The following MSI2 variants were observed in gnomAD, a reference collection of about 807,000 sequenced individuals.
MSI2 encodes the protein RNA-binding protein Musashi homolog 2.
MSI2 carries 17 observed loss-of-function variants against 45.6 expected under a neutral mutation model. The observed-to-expected ratio is 0.37, with a 90% CI of 0.26 to 0.56. The LOEUF is 0.56. Among genes scored for constraint, MSI2 ranks in the 20% least tolerant of loss-of-function variants. The probability of loss-of-function intolerance (pLI) is 0.77; values close to 1 mark genes in which losing one functional copy is unlikely to be tolerated. For synonymous variants in MSI2, 156 were observed against 158.2 expected, an observed-to-expected ratio of 0.99 and a Z score of 0.11; for missense variants, 293 against 444.2, an observed-to-expected ratio of 0.66 and a Z score of 3.06.
chr17:57,518,617 C>A (rs917979859), intron 6 of MSI2, among the ~76,000 whole-genome samples: 2 of 152,194 alleles, frequency 1.3e-5, no homozygotes, highest in Admixed American at 6.5e-5. Context: ...CATCAGTGCT[C>A]CCCTAAATGA....
chr17:57,632,182 T>C (rs1371576030), intron 10 of MSI2: 8 of 1,165,408 alleles, frequency 6.9e-6, no homozygotes, highest in Non-Finnish European at 8.5e-6. Flanking sequence ...TTTTAAGTCA[T>C]GACCAAACAG....
At chr17:57,420,855 C>G (rs375868798) in intron 6 of MSI2, among the ~76,000 whole-genome samples, 1 of 152,226 alleles carries the variant, frequency 6.6e-6, no homozygotes, top group African/African-American at 2.4e-5. Context: ...ACAATTGCCT[C>G]CGCAAACGCA....
At chr17:57,492,652 C>T (rs1173276797) in intron 6 of MSI2, among the ~76,000 whole-genome samples, 2 of 152,036 alleles carry the variant, frequency 1.3e-5, no homozygotes, top group African/African-American at 4.8e-5. Context: ...TCTTGTTGCC[C>T]AGGCTGTAGT....
At chr17:57,616,541 G>A (rs1485293608) in intron 9 of MSI2, 1 of 151,050 alleles carries the variant, frequency 6.6e-6, no homozygotes, top group Non-Finnish European at 1.5e-5. Flanking sequence ...CGATAATCCT[G>A]TCTATTTAAA....
chr17:57,364,944 T>C (rs1313753737), intron 5 of MSI2: 1 of 152,122 alleles, frequency 6.6e-6, no homozygotes, highest in Non-Finnish European at 1.5e-5. Context: ...TCTTCCTCCA[T>C]GGCACAGGAT....
At chr17:57,328,498 A>G (rs761155599) in intron 5 of MSI2, among the ~76,000 whole-genome samples, 4 of 152,342 alleles carry the variant, frequency 2.6e-5, no homozygotes, top group Non-Finnish European at 4.4e-5. Flanking sequence ...AAATTAGATC[A>G]CATTATACAT....
At chr17:57,604,242 T>C (rs1379147105) in intron 8 of MSI2, among the ~76,000 whole-genome samples, 1 of 152,172 alleles carries the variant, frequency 6.6e-6, no homozygotes, top group African/African-American at 2.4e-5. Context: ...TTAAGACTTG[T>C]AAGGGGTTTG....
intron 5 of MSI2, among the ~76,000 whole-genome samples, chr17:57,377,741 C>T (rs1038223734): frequency 1.3e-5 from 2 of 152,126 alleles, no homozygotes; most frequent in African/African-American, 2.4e-5. Flanking sequence ...GAGGATAGAA[C>T]TAGATAGAAC....
chr17:57,529,640 T>C lies in MSI2; in HGVS notation c.406-36T>C. 1 of 1,607,786 alleles carries C rather than the reference T, an allele frequency of 6.2e-7. No homozygotes were observed. Among genetic ancestry groups the C allele is most frequent in the Non-Finnish European group, 8.5e-7 (1 of 1,175,848 alleles). ...AATGTTTTGTGTACTTTCTTAAAATTCCTAAGGCAGCCTGTATTCTATATT... is the reference window on the plus strand; with the variant it reads ...AATGTTTTGTGTACTTTCTTAAAATCCCTAAGGCAGCCTGTATTCTATATT... On this transcript the variant is annotated intron_variant, in intron 6 of 13. Transcript: ENST00000284073. The surrounding 1 kb of genome is among the most constrained non-coding windows in gnomAD (Gnocchi z 5.3).
At chr17:57,350,765 C>T (rs966217426) in intron 5 of MSI2, among the ~76,000 whole-genome samples, 2 of 152,194 alleles carry the variant, frequency 1.3e-5, no homozygotes, top group African/African-American at 4.8e-5. Flanking sequence ...AGGCTGTGCT[C>T]CTCTCTGTCA....
chr17:57,662,369 T>C (rs1032693593), intron 11 of MSI2, among the ~76,000 whole-genome samples: 6 of 152,184 alleles, frequency 3.9e-5, no homozygotes, highest in Non-Finnish European at 7.3e-5. Flanking sequence ...TTGAATACAA[T>C]AATGATAATA....
At chr17:57,517,419 G>T (rs1051564159) in intron 6 of MSI2, among the ~76,000 whole-genome samples, 1 of 152,198 alleles carries the variant, frequency 6.6e-6, no homozygotes, top group African/African-American at 2.4e-5. Context: ...GATCAGAGGA[G>T]GCTGCTATTT....
chr17:57,578,009 G>A lies in MSI2; in HGVS notation c.455-18859G>A, dbSNP rs533948755. On this transcript the variant is annotated intron_variant, in intron 7 of 13. Transcript: ENST00000284073. ...GAAGGCTTCGCTTTTCTTCCTCCCC[G>A]CTCCTCCCCTTGTTGAGAAATCCCA... Among the ~76,000 whole-genome samples, 21 of 152,198 alleles carry A rather than the reference G, an allele frequency of 1.4e-4. No individual in the cohort carries two copies. The South Asian group carries it at 4.1e-3, about 30-fold the overall frequency.
chr17:57,256,771 C>T lies in MSI2; in HGVS notation c.29C>T (p.Ser10Leu). 1 of 1,477,706 alleles carries T rather than the reference C, an allele frequency of 6.8e-7. No individual in the cohort carries two copies. The highest frequency in any genetic ancestry group is 9.0e-7 in the Non-Finnish European group (1 of 1,115,922). 91.5% of individuals were successfully genotyped at this position (1,477,706 alleles called of 1,614,324 possible). ...GAGGCAAATGGGAGCCAAGGCACCT[C>T]GGGCAGCGCCAACGACTCCCAGCAC... is the stretch of plus-strand genomic sequence containing the variant. MEANGSQGTSGSANDSQHDP... is the reference protein window; with the variant it reads MEANGSQGTLGSANDSQHDP... Residue 10 changes from serine to leucine, a missense_variant, in exon 1 of 14, where the codon TCG becomes TTG. Physicochemically the swap from Ser to Leu is moderately radical, Grantham distance 145. Coordinates refer to ENST00000284073, the MANE Select transcript of MSI2 (RefSeq NM_138962.4).
At chr17:57,578,782 C>T (rs1031532781) in intron 7 of MSI2, among the ~76,000 whole-genome samples, 5 of 152,026 alleles carry the variant, frequency 3.3e-5, no homozygotes, top group Non-Finnish European at 7.4e-5. Flanking sequence ...GTTTCATAAG[C>T]GTGGAACAGT....
intron 7 of MSI2, among the ~76,000 whole-genome samples, chr17:57,594,573 C>G (rs937095642): frequency 6.6e-6 from 1 of 152,152 alleles, no homozygotes; most frequent in African/African-American, 2.4e-5. Context: ...TTCTCCAGCT[C>G]TGCAATGATC....
chr17:57,440,093 T>G (rs2084768992), intron 6 of MSI2, among the ~76,000 whole-genome samples: 1 of 152,136 alleles, frequency 6.6e-6, no homozygotes, highest in Non-Finnish European at 1.5e-5. Context: ...ACTTGTGGTG[T>G]TTTGACCTAG....
rs553364705 is a variant in MSI2 at position 57,679,767 on chromosome 17, T to C, written c.*250T>C. The C allele has an allele frequency of 3.5e-6, 1 of 285,564 alleles. No individual in the cohort carries two copies. Among genetic ancestry groups the C allele is most frequent in the African/African-American group, 2.2e-5 (1 of 46,420 alleles). 17.7% of individuals were successfully genotyped at this position (285,564 alleles called of 1,614,324 possible). On this transcript the variant is annotated 3_prime_UTR_variant, in exon 14 of 14. Coordinates refer to ENST00000284073, the MANE Select transcript of MSI2 (RefSeq NM_138962.4). Reference sequence around the variant, plus strand: ...TGTATATAACCCATGATTTCGGTTTTGTTTTGTTTTGTTTTTCTTGATGGT... The same window carrying C: ...TGTATATAACCCATGATTTCGGTTTCGTTTTGTTTTGTTTTTCTTGATGGT...
chr17:57,280,089 A>G lies in MSI2; in HGVS notation c.312+17897A>G, dbSNP rs912249209. On this transcript the variant is annotated intron_variant, in intron 5 of 13. Coordinates refer to ENST00000284073, the MANE Select transcript of MSI2 (RefSeq NM_138962.4). The surrounding 1 kb of genome is among the most constrained non-coding windows in gnomAD (Gnocchi z 4.2). ...AGAAATAACGTTGAGGCTGAGCTTG[A>G]TGTAGGGAGGGAAGTAGCAGGGTGC... 2.7e-5 allele frequency: 4 copies of G among 150,476 alleles called. No homozygotes were observed. Among genetic ancestry groups the G allele is most frequent in the African/African-American group, 9.8e-5 (4 of 40,968 alleles). 9.3% of individuals were successfully genotyped at this position (150,476 alleles called of 1,614,324 possible).
Sources: allele counts gnomAD v4.1 joint callset (sites outside exome capture counted in the v4.1 genomes callset), GRCh38; gene constraint gnomAD v4.1.1; non-coding constraint Gnocchi (gnomAD v3.1); transcripts MANE v1.5; gene names NCBI Gene and HGNC (gene_info 2026-07-23, HGNC 2026-07-21).